Variants in LSAMP observed in about 807,000 individuals in gnomAD.
The protein encoded by LSAMP is limbic system associated membrane protein.
LSAMP carries 7 observed loss-of-function variants against 38.6 expected under a neutral mutation model. The observed-to-expected ratio is 0.18, with a 90% CI of 0.10 to 0.34. The LOEUF (loss-of-function observed/expected upper bound fraction) is 0.34, where lower values mean the gene tolerates loss of function less well. Among genes scored for constraint, LSAMP ranks in the 10% least tolerant of loss-of-function variants. The pLI is 1.00. For missense variants in LSAMP, 313 were observed against 420.0 expected, an observed-to-expected ratio of 0.75 and a Z score of 2.23; for synonymous variants, 154 against 166.8, an observed-to-expected ratio of 0.92 and a Z score of 0.59.
rs569042263 is a variant in LSAMP, at chr3:116,208,826, G to T, written c.156-122270C>A. ...AGAGCTGTCAGACAGGGACATTTAA[G>T]TTTGCAGAGTTTACTGCTGTCTTTT... On this transcript the variant is annotated intron_variant, in intron 1 of 6. Transcript: ENST00000490035. Among the ~76,000 whole-genome samples, 634 of 152,296 alleles carry T rather than the reference G, an allele frequency of 4.2e-3. 7 individuals carry two copies. The highest frequency in any genetic ancestry group is 0.014 in the African/African-American group (596 of 41,578).
intron 1 of LSAMP, among the ~76,000 whole-genome samples, chr3:116,264,177 G>A (rs73143006): frequency 0.21 from 32,087 of 152,018 alleles, 3,757 homozygotes; most frequent in African/African-American, 0.28. Flanking sequence ...AAGACAGTAT[G>A]TTCTGGTATC....
intron 1 of LSAMP, among the ~76,000 whole-genome samples, chr3:116,322,018 A>G (rs985852273): frequency 9.2e-5 from 14 of 152,338 alleles, no homozygotes; most frequent in African/African-American, 1.2e-4. Flanking sequence ...TTCAAGGAAA[A>G]CATGGTATTT....
At chr3:115,923,501 AG>A (rs1219241053) in intron 3 of LSAMP, among the ~76,000 whole-genome samples, 1 of 152,208 alleles carries the variant, frequency 6.6e-6, no homozygotes, top group East Asian at 1.9e-4. Context: ...GTGGAAGACA[AG>A]GACTGGTACT....
rs537250416 is a variant in LSAMP, at chr3:116,145,136, G to A, written c.156-58580C>T. 2.2e-4 allele frequency among the ~76,000 whole-genome samples: 34 copies of A among 151,758 alleles called. No individual in the cohort carries two copies. In the South Asian group the frequency reaches 3.1e-3, roughly 14 times the overall value. ...GTGGAAATTTGCTTTTGTTTATTTCGCAAATAGACTTTTTCTATTTGAATC... is the reference window on the plus strand; with the variant it reads ...GTGGAAATTTGCTTTTGTTTATTTCACAAATAGACTTTTTCTATTTGAATC... On this transcript the variant is annotated intron_variant, in intron 1 of 6. Coordinates refer to ENST00000490035, the MANE Select transcript of LSAMP (RefSeq NM_002338.5).
intron 3 of LSAMP, among the ~76,000 whole-genome samples, chr3:115,859,884 A>G (rs1935624624): frequency 6.6e-6 from 1 of 152,312 alleles, no homozygotes; most frequent in East Asian, 1.9e-4. Context: ...TTGTATTTAT[A>G]CTAAACCATT....
chr3:116,391,516 C>T (rs1053357347), intron 1 of LSAMP, among the ~76,000 whole-genome samples: 1 of 152,124 alleles, frequency 6.6e-6, no homozygotes, highest in African/African-American at 2.4e-5. Flanking sequence ...CCCTGGGGGC[C>T]ACCACAGTGG....
At chr3:116,176,710 T>C (rs1361308677) in intron 1 of LSAMP, among the ~76,000 whole-genome samples, 1 of 152,130 alleles carries the variant, frequency 6.6e-6, no homozygotes, top group African/African-American at 2.4e-5. Context: ...AGAGACTCAG[T>C]AGATACTTAC....
At chr3:115,914,238 C>T (rs1937197909) in intron 3 of LSAMP, among the ~76,000 whole-genome samples, 1 of 152,182 alleles carries the variant, frequency 6.6e-6, no homozygotes, top group South Asian at 2.1e-4. Flanking sequence ...ACCCATTCCC[C>T]TTGCAGGGCT....
chr3:116,354,334 T>C (rs1490851470), intron 1 of LSAMP, among the ~76,000 whole-genome samples: 1 of 152,192 alleles, frequency 6.6e-6, no homozygotes, highest in East Asian at 1.9e-4. Flanking sequence ...TGCCTCTTCA[T>C]GTGTACTGCT....
chr3:116,346,395 C>G (rs1263582236), intron 1 of LSAMP, among the ~76,000 whole-genome samples: 1 of 150,140 alleles, frequency 6.7e-6, no homozygotes, highest in Non-Finnish European at 1.5e-5. Flanking sequence ...GTGGTACCAT[C>G]TCAGTTCACT....
intron 3 of LSAMP, among the ~76,000 whole-genome samples, chr3:115,948,521 C>T (rs1938176253): frequency 6.6e-6 from 1 of 152,148 alleles, no homozygotes; most frequent in Non-Finnish European, 1.5e-5. Context: ...TAATCTACTC[C>T]TGAATGATCT....
chr3:116,319,140 G>A (rs1231599441), intron 1 of LSAMP, among the ~76,000 whole-genome samples: 1 of 151,994 alleles, frequency 6.6e-6, no homozygotes, highest in African/African-American at 2.4e-5. Flanking sequence ...TTTAAACAGT[G>A]GTATTTATTT....
At chr3:116,174,309 G>T (rs1346006387) in intron 1 of LSAMP, among the ~76,000 whole-genome samples, 1 of 151,744 alleles carries the variant, frequency 6.6e-6, no homozygotes, top group Admixed American at 6.6e-5. Flanking sequence ...ATATTCTTGG[G>T]TATCACTTCA....
chr3:116,033,663 C>A (rs1940981650), intron 2 of LSAMP, among the ~76,000 whole-genome samples: 1 of 152,118 alleles, frequency 6.6e-6, no homozygotes, highest in African/African-American at 2.4e-5. Context: ...CCACGACCCT[C>A]TGTGACTGTG....
chr3:116,027,172 A>G (rs964732671), intron 2 of LSAMP, among the ~76,000 whole-genome samples: 2 of 152,154 alleles, frequency 1.3e-5, no homozygotes, highest in Non-Finnish European at 2.9e-5. Flanking sequence ...AAACCCTGGG[A>G]GAAGAGTCAC....
At chr3:116,216,615 A>G (rs1388426163) in intron 1 of LSAMP, among the ~76,000 whole-genome samples, 1 of 152,184 alleles carries the variant, frequency 6.6e-6, no homozygotes, top group Non-Finnish European at 1.5e-5. Context: ...AGGAAGTGGG[A>G]GACACAAAAA....
intron 1 of LSAMP, among the ~76,000 whole-genome samples, chr3:116,383,997 C>T (rs1190504693): frequency 6.6e-6 from 1 of 152,108 alleles, no homozygotes; most frequent in East Asian, 1.9e-4. Flanking sequence ...GAGATCTAAA[C>T]CTACTAACCT....
At chr3:116,247,323 A>G (rs993148091) in intron 1 of LSAMP, among the ~76,000 whole-genome samples, 6 of 152,304 alleles carry the variant, frequency 3.9e-5, no homozygotes, top group Non-Finnish European at 5.9e-5. Flanking sequence ...GCCTTTCTAT[A>G]TACATTCAGA....
intron 1 of LSAMP, among the ~76,000 whole-genome samples, chr3:116,263,354 A>G (rs1344473557): frequency 1.3e-5 from 2 of 152,108 alleles, no homozygotes; most frequent in South Asian, 2.1e-4. Context: ...CCTGGCCAAC[A>G]TGGTGAAACC....
Sources: gnomAD v4.1 joint callset for allele counts (sites outside exome capture counted in the v4.1 genomes callset) on GRCh38, gnomAD v4.1.1 for gene constraint, MANE v1.5 for transcripts, NCBI Gene and HGNC (gene_info 2026-07-23, HGNC 2026-07-21) for gene names.